The following FAT1 variants were observed in gnomAD, a reference collection of about 807,000 sequenced individuals.
FAT1 encodes the protein protocadherin Fat 1.
Under a neutral mutation model 329.8 loss-of-function variants are expected in FAT1, and 171 were observed. The ratio of observed to expected loss-of-function variants is 0.52; its 90% CI spans 0.46 to 0.59. FAT1 has a LOEUF of 0.59. FAT1 is among the 20% of genes least tolerant of loss of function. The probability of loss-of-function intolerance (pLI) is 0.00; values close to 1 mark genes in which losing one functional copy is unlikely to be tolerated. For synonymous variants in FAT1, 2,233 were observed against 2,228.6 expected, an observed-to-expected ratio of 1.00 and a Z score of -0.06; for missense variants, 5,672 against 5,774.4, an observed-to-expected ratio of 0.98 and a Z score of 0.57.
chr4:186,606,864 G>T (rs1048939653), intron 16 of FAT1, among the ~76,000 whole-genome samples: 6 of 152,238 alleles, frequency 3.9e-5, no homozygotes, highest in African/African-American at 1.4e-4. Context: ...AAGCTGGCTA[G>T]ATCCCAGAGT....
chr4:186,660,921 C>T (rs1466545864), intron 3 of FAT1, among the ~76,000 whole-genome samples: 2 of 152,152 alleles, frequency 1.3e-5, no homozygotes, highest in Non-Finnish European at 2.9e-5. Context: ...TATGCCCAGA[C>T]CTATGCCATG....
chr4:186,711,816 A>C (rs946880297), intron 1 of FAT1, among the ~76,000 whole-genome samples: 1 of 152,182 alleles, frequency 6.6e-6, no homozygotes, highest in African/African-American at 2.4e-5. Flanking sequence ...GTTACTCCAG[A>C]GGCTGAGGCA....
chr4:186,654,516 T>G (rs149633173), intron 3 of FAT1, among the ~76,000 whole-genome samples: 1 of 152,312 alleles, frequency 6.6e-6, no homozygotes, highest in Non-Finnish European at 1.5e-5. Context: ...ATGAGACAGC[T>G]GATGGACCAG....
At chr4:186,615,218 A>AAG (rs973104488) in intron 11 of FAT1, among the ~76,000 whole-genome samples, 4 of 152,288 alleles carry the variant, frequency 2.6e-5, no homozygotes, top group African/African-American at 9.6e-5. Context: ...CAGTTGCTGT[A>AAG]AGAGAGAGAG....
intron 2 of FAT1, among the ~76,000 whole-genome samples, chr4:186,680,115 A>C (rs1743142519): frequency 2.0e-5 from 3 of 152,242 alleles, no homozygotes; most frequent in Admixed American, 6.5e-5. Context: ...GCCTCGATTA[A>C]TTTAACCTAA....
chr4:186,714,781 T>C (rs1745130343), intron 1 of FAT1, among the ~76,000 whole-genome samples: 2 of 152,144 alleles, frequency 1.3e-5, no homozygotes. Flanking sequence ...CTATATAATA[T>C]AAATACTCAC....
chr4:186,691,135 A>G (rs55663302), intron 2 of FAT1, among the ~76,000 whole-genome samples: 3,755 of 152,308 alleles, frequency 0.025, 146 homozygotes, highest in African/African-American at 0.085. Context: ...TGTAAAAATC[A>G]GTTCACCTTT....
chr4:186,645,897 G>A (rs1212163879), intron 3 of FAT1, among the ~76,000 whole-genome samples: 1 of 149,258 alleles, frequency 6.7e-6, no homozygotes, highest in Admixed American at 6.7e-5. Flanking sequence ...AGTGAGCTGA[G>A]GGCGGACCAC....
chr4:186,720,377 C>T (rs1745413249), intron 1 of FAT1, among the ~76,000 whole-genome samples: 1 of 111,784 alleles, frequency 8.9e-6, no homozygotes, highest in Non-Finnish European at 2.4e-5. Flanking sequence ...TATGTTCTAC[C>T]TAGACAAAAA....
chr4:186,683,416 T>G (rs762527498), intron 2 of FAT1, among the ~76,000 whole-genome samples: 3 of 152,158 alleles, frequency 2.0e-5, no homozygotes, highest in Non-Finnish European at 4.4e-5. Context: ...TGTGGAGTCC[T>G]GGGCACCTAG....
chr4:186,595,081 T>A (rs116009473), intron 26 of FAT1, among the ~76,000 whole-genome samples: 87 of 152,290 alleles, frequency 5.7e-4, no homozygotes, highest in African/African-American at 1.9e-3. Flanking sequence ...CAGATCAACA[T>A]AACTGGTGGC....
intron 2 of FAT1, among the ~76,000 whole-genome samples, chr4:186,680,398 G>T (rs1187987214): frequency 1.3e-5 from 2 of 152,216 alleles, no homozygotes; most frequent in East Asian, 3.9e-4. Flanking sequence ...TATCATTGTT[G>T]GTGACACCAC....
chr4:186,636,942 A>T, intron 4 of FAT1, 28 bp from the exon 5 acceptor site: 1 of 1,535,362 alleles, frequency 6.5e-7, no homozygotes. Flanking sequence ...ACAGATTAAC[A>T]TGTTAAGATA....
At chr4:186,599,422 AAGAC>A (rs1463081382) in intron 22 of FAT1, among the ~76,000 whole-genome samples, 1 of 152,204 alleles carries the variant, frequency 6.6e-6, no homozygotes. Flanking sequence ...CCAGGGCTTC[AAGAC>A]AGACAGATAT....
Position 186,706,574 on chromosome 4 carries a change from C to A in FAT1, c.3254G>T (p.Gly1085Val), listed in dbSNP as rs376784194. ...AAAAACATATTTACCTGTCTCTTCACCTATTTTGAAAACACCAACGCCAGA... is the reference window on the plus strand; with the variant it reads ...AAAAACATATTTACCTGTCTCTTCAACTATTTTGAAAACACCAACGCCAGA... ...DGSGVGVFKI[G>V]EETGVIETSD... Residue 1085 changes from glycine (G) to valine (V), a missense_variant, in exon 2 of 27, where the codon GGT becomes GTT. Around this residue, in one of 2 missense-constraint regions of FAT1, gnomAD observed 3,966 missense variants for 3,915.2 expected, o/e 1.01. Transcript: ENST00000441802. 33 of 1,603,772 alleles carry A rather than the reference C, an allele frequency of 2.1e-5. No individual in the cohort carries two copies. The highest frequency in any genetic ancestry group is 2.6e-5 in the Non-Finnish European group (31 of 1,173,044).
chr4:186,682,526 C>CATAAAAAAAAAAAAAAAAAA (rs1743267941), intron 2 of FAT1, among the ~76,000 whole-genome samples: 1 of 119,706 alleles, frequency 8.4e-6, no homozygotes, highest in African/African-American at 3.9e-5. Context: ...GACTCTGTCT[C>CATAAAAAAAAAAAAAAAAAA]AAAAAAAAAA....
chr4:186,628,102 CAG>C (rs746537629), intron 9 of FAT1, 50 bp downstream of exon 9: 71 of 1,563,460 alleles, frequency 4.5e-5, no homozygotes, highest in South Asian at 2.2e-4. Context: ...AAAGTAGAAA[CAG>C]ACTTTTAACA....
At position 186,641,956 on chromosome 4, in the gene FAT1, G is replaced by A. The variant is rs572518497; in HGVS notation, c.3581-2173C>T. 4.0e-5 allele frequency among the ~76,000 whole-genome samples: 6 copies of A among 151,480 alleles called. No individual in the cohort carries two copies. The South Asian group carries it at 6.2e-4, about 16-fold the overall frequency. On this transcript the variant is annotated intron_variant, in intron 3 of 26. Transcript: ENST00000441802. ...TGGGAAGAGGAGGCCACAGTGAGCC[G>A]AGATTGCGCCACAGCACTCCAGCCT...
chr4:186,611,862 C>A (rs193138214), intron 13 of FAT1, 87 bp from the exon 14 acceptor site: 1 of 1,060,770 alleles, frequency 9.4e-7, no homozygotes, highest in Non-Finnish European at 1.3e-6. Context: ...CTCCCTCTGT[C>A]GCCCAGGCTG....
Sources: gnomAD v4.1 joint callset for allele counts (sites outside exome capture counted in the v4.1 genomes callset) on GRCh38, gnomAD v4.1.1 for gene constraint, gnomAD v4.1.1 regional missense constraint, MANE v1.5 for transcripts, NCBI Gene and HGNC (gene_info 2026-07-23, HGNC 2026-07-21) for gene names.